GPC6: variants seen among roughly 807,000 people sequenced by gnomAD.
GPC6 encodes the protein glypican-6.
Under a neutral mutation model 55.2 loss-of-function variants are expected in GPC6, and 14 were observed. That is an observed-to-expected ratio of 0.25 (90% confidence interval 0.17 to 0.40). The LOEUF is 0.40. Ranked by LOEUF, GPC6 falls within the 10% of genes least tolerant of loss-of-function variation. The pLI is 1.00. For missense variants in GPC6, 641 were observed against 708.5 expected, an observed-to-expected ratio of 0.90 and a Z score of 1.08; for synonymous variants, 278 against 259.6, an observed-to-expected ratio of 1.07 and a Z score of -0.68.
At chr13:94,394,032 A>G (rs1004400048) in intron 7 of GPC6, among the ~76,000 whole-genome samples, 1 of 152,128 alleles carries the variant, frequency 6.6e-6, no homozygotes, top group Non-Finnish European at 1.5e-5. Flanking sequence ...AATTCTACCC[A>G]CAGGGCTGGA....
At chr13:94,076,393 A>T (rs112849353) in intron 4 of GPC6, among the ~76,000 whole-genome samples, 10 of 152,032 alleles carry the variant, frequency 6.6e-5, no homozygotes, top group African/African-American at 1.9e-4. Flanking sequence ...TATCTATATC[A>T]TATAAAAGGT....
At chr13:93,358,870 G>GT (rs1267605946) in intron 1 of GPC6, among the ~76,000 whole-genome samples, 3 of 152,060 alleles carry the variant, frequency 2.0e-5, no homozygotes, top group Non-Finnish European at 4.4e-5. Context: ...GATGTTCAGT[G>GT]TGTTACTGTG....
chr13:94,181,737 C>T (rs1889005733), intron 4 of GPC6, among the ~76,000 whole-genome samples: 1 of 152,158 alleles, frequency 6.6e-6, no homozygotes, highest in Admixed American at 6.5e-5. Context: ...TATTATACAA[C>T]TTAGGGTGCC....
intron 1 of GPC6, among the ~76,000 whole-genome samples, chr13:93,269,258 A>G (rs1301296909): frequency 6.6e-6 from 1 of 152,116 alleles, no homozygotes; most frequent in Non-Finnish European, 1.5e-5. Context: ...TGTTGTATTG[A>G]CTTTTCAGGG....
rs982840515 is a variant in GPC6, at chr13:93,883,141, A to G, written c.711+52596A>G. 5.3e-5 allele frequency among the ~76,000 whole-genome samples: 8 copies of G among 150,998 alleles called. No individual in the cohort carries two copies. The East Asian group carries it at 1.6e-3, about 29-fold the overall frequency. ...CCTCTCTGTTCAATATGCACTGCTC[A>G]GTTTCCAGACCTGACAACTTTTTGT... On this transcript the variant is annotated intron_variant, in intron 3 of 8. Transcript: ENST00000377047.
intron 8 of GPC6, among the ~76,000 whole-genome samples, chr13:94,402,302 G>C (rs2139233111): frequency 6.6e-6 from 1 of 152,314 alleles, no homozygotes; most frequent in Non-Finnish European, 1.5e-5. Context: ...TATAAAAAGA[G>C]CAAAGAATGG....
At position 93,282,153 on chromosome 13, in the gene GPC6, C is replaced by A. The variant is rs1225001936; in HGVS notation, c.160+54537C>A. ...ACATAACATCCAAGTTATATTATTT[C>A]TTGGGACCAAATGTTTTGAAGTGAA... is the stretch of plus-strand genomic sequence containing the variant. On this transcript the variant is annotated intron_variant, in intron 1 of 8. Coordinates refer to ENST00000377047, the MANE Select transcript of GPC6 (RefSeq NM_005708.5). 3.9e-4 allele frequency among the ~76,000 whole-genome samples: 59 copies of A among 152,080 alleles called. 1 individual carries two copies. Among genetic ancestry groups the A allele is most frequent in the Non-Finnish European group, 1.0e-4 (7 of 68,006 alleles).
chr13:94,097,428 A>C (rs1437567648), intron 4 of GPC6, among the ~76,000 whole-genome samples: 2 of 148,040 alleles, frequency 1.4e-5, no homozygotes, highest in Non-Finnish European at 3.0e-5. Context: ...AATGGCGTGA[A>C]CCCGGGAGGC....
At chr13:94,136,852 T>C (rs1174869404) in intron 4 of GPC6, among the ~76,000 whole-genome samples, 1 of 152,176 alleles carries the variant, frequency 6.6e-6, no homozygotes, top group African/African-American at 2.4e-5. Context: ...AAGAAAACAC[T>C]AACTTTGCAG....
At chr13:93,323,315 G>A (rs913071879) in intron 1 of GPC6, among the ~76,000 whole-genome samples, 2 of 152,092 alleles carry the variant, frequency 1.3e-5, no homozygotes, top group Non-Finnish European at 2.9e-5. Flanking sequence ...TAAGTAATAG[G>A]AAAAGAATGT....
chr13:93,780,772 G>A (rs1296150509), intron 2 of GPC6, among the ~76,000 whole-genome samples: 2 of 151,882 alleles, frequency 1.3e-5, no homozygotes, highest in Admixed American at 1.3e-4. Flanking sequence ...CATCTATTTT[G>A]GTCATTGCCT....
At chr13:93,456,234 G>A (rs1444871713) in intron 1 of GPC6, among the ~76,000 whole-genome samples, 2 of 152,100 alleles carry the variant, frequency 1.3e-5, no homozygotes, top group Non-Finnish European at 2.9e-5. Flanking sequence ...ATAATTAAGA[G>A]ACAACAGAAC....
In GPC6 at chr13:93,789,501, C is replaced by CTATA. The variant is rs1388071759; in HGVS notation, c.320-40652_320-40651insATAT. Among the ~76,000 whole-genome samples the CTATA allele has an allele frequency of 7.3e-4, 58 of 78,966 alleles. 1 individual carries two copies. In the East Asian group the frequency reaches 0.018, roughly 25 times the overall value. The allele number at this position is 78,966 out of a possible 152,430, so 51.8% of individuals were successfully genotyped here. On this transcript the variant is annotated intron_variant, in intron 2 of 8. Transcript: ENST00000377047. ...GAGTGAACTCTCTCTCTCTCTCTCT[C>CTATA]TCTCTCTCTATATATATATATATAT...
chr13:93,692,642 A>G (rs951175388), intron 2 of GPC6, among the ~76,000 whole-genome samples: 2 of 151,878 alleles, frequency 1.3e-5, no homozygotes, highest in African/African-American at 4.8e-5. Flanking sequence ...TTTAGTACTT[A>G]TTTTCTCACT....
intron 4 of GPC6, among the ~76,000 whole-genome samples, chr13:94,078,382 G>A (rs574529525): frequency 1.3e-5 from 2 of 151,888 alleles, no homozygotes; most frequent in South Asian, 4.1e-4. Context: ...CCCAAAGTTA[G>A]CAGAAGGAAG....
chr13:93,628,833 G>A (rs76704510), intron 2 of GPC6, among the ~76,000 whole-genome samples: 1,911 of 152,148 alleles, frequency 0.013, 29 homozygotes, highest in African/African-American at 0.044. Flanking sequence ...AATATCCAAA[G>A]CAGTTTTTAC....
At chr13:94,069,982 G>A (rs941698593) in intron 4 of GPC6, among the ~76,000 whole-genome samples, 2 of 152,102 alleles carry the variant, frequency 1.3e-5, no homozygotes, top group African/African-American at 4.8e-5. Context: ...CTTTTTAGCA[G>A]TGCCCCACTC....
intron 3 of GPC6, chr13:93,831,002 T>G (rs1887471302): frequency 6.3e-6 from 1 of 159,878 alleles, no homozygotes; most frequent in Non-Finnish European, 1.4e-5. Context: ...CACCTGGCAT[T>G]TCTTCTTTTT....
chr13:93,808,920 G>A (rs572807529), intron 2 of GPC6, among the ~76,000 whole-genome samples: 3 of 152,216 alleles, frequency 2.0e-5, no homozygotes, highest in Non-Finnish European at 4.4e-5. Flanking sequence ...AAACCTAGAC[G>A]TAAGGCAGGT....
Sources: gnomAD v4.1 joint callset for allele counts (sites outside exome capture counted in the v4.1 genomes callset) on GRCh38, gnomAD v4.1.1 for gene constraint, MANE v1.5 for transcripts, NCBI Gene and HGNC (gene_info 2026-07-23, HGNC 2026-07-21) for gene names.